Variants in ST6GALNAC5 observed in about 807,000 individuals in gnomAD.
The protein encoded by ST6GALNAC5 is alpha-N-acetylgalactosaminide alpha-2,6-sialyltransferase 5.
ST6GALNAC5 carries 27 observed loss-of-function variants against 33.6 expected under a neutral mutation model. That is an observed-to-expected ratio of 0.80 (90% CI 0.59 to 1.11). The LOEUF is 1.11. Among genes scored for constraint, ST6GALNAC5 ranks in the 50% least tolerant of loss-of-function variants. The probability of loss-of-function intolerance (pLI) is 0.00; values close to 1 mark genes in which losing one functional copy is unlikely to be tolerated. For synonymous variants in ST6GALNAC5, 194 were observed against 171.2 expected, an observed-to-expected ratio of 1.13 and a Z score of -1.04; for missense variants, 428 against 454.0, an observed-to-expected ratio of 0.94 and a Z score of 0.52.
At chr1:76,897,168 A>G (rs1179020625) in intron 2 of ST6GALNAC5, among the ~76,000 whole-genome samples, 6 of 152,128 alleles carry the variant, frequency 3.9e-5, no homozygotes, top group Non-Finnish European at 2.9e-5. Flanking sequence ...TAATTTGCTG[A>G]GCTTGATGGG....
intron 2 of ST6GALNAC5, among the ~76,000 whole-genome samples, chr1:76,973,924 T>C (rs1648873988): frequency 6.6e-6 from 1 of 152,024 alleles, no homozygotes; most frequent in Non-Finnish European, 1.5e-5. Flanking sequence ...TTAGCCTTAT[T>C]ATGAAACAGA....
chr1:76,880,568 G>T (rs538612668), intron 2 of ST6GALNAC5, among the ~76,000 whole-genome samples: 3 of 152,270 alleles, frequency 2.0e-5, no homozygotes, highest in Admixed American at 6.5e-5. Flanking sequence ...TCTCAAAATT[G>T]AAGAACTTGG....
intron 2 of ST6GALNAC5, among the ~76,000 whole-genome samples, chr1:76,967,637 G>A (rs1648554181): frequency 6.6e-6 from 1 of 152,104 alleles, no homozygotes; most frequent in African/African-American, 2.4e-5. Flanking sequence ...TTTTGAATTT[G>A]TTTGCTCTTG....
chr1:76,924,826 A>C (rs1647069622), intron 2 of ST6GALNAC5, among the ~76,000 whole-genome samples: 1 of 152,174 alleles, frequency 6.6e-6, no homozygotes, highest in Non-Finnish European at 1.5e-5. Context: ...ACCCATGAGC[A>C]GCAATTAGAT....
intron 2 of ST6GALNAC5, among the ~76,000 whole-genome samples, chr1:77,018,966 CAG>C (rs1650953033): frequency 6.6e-6 from 1 of 152,204 alleles, no homozygotes; most frequent in South Asian, 2.1e-4. Context: ...AGAAGGGACT[CAG>C]ATGGCTTCAG....
Position 77,005,349 on chromosome 1 carries a change from C to T in ST6GALNAC5, c.262-38855C>T, listed in dbSNP as rs890733478. Among the ~76,000 whole-genome samples the T allele has an allele frequency of 4.6e-5, 7 of 152,290 alleles. No individual in the cohort carries two copies. In the East Asian group the frequency reaches 5.8e-4, roughly 13 times the overall value. On this transcript the variant is annotated intron_variant, in intron 2 of 4. Transcript: ENST00000477717. ...GGCAATGCCTCGCCCTGCTTCGGCTCGCGCACGGTGCGCACACCCACTGAC... is the reference window on the plus strand; with the variant it reads ...GGCAATGCCTCGCCCTGCTTCGGCTTGCGCACGGTGCGCACACCCACTGAC...
chr1:76,978,002 T>C (rs1649082113), intron 2 of ST6GALNAC5, among the ~76,000 whole-genome samples: 1 of 152,208 alleles, frequency 6.6e-6, no homozygotes, highest in Non-Finnish European at 1.5e-5. Flanking sequence ...TTTTATCTTT[T>C]TGATAACAGC....
chr1:76,897,908 T>C (rs1337558986), intron 2 of ST6GALNAC5, among the ~76,000 whole-genome samples: 2 of 152,136 alleles, frequency 1.3e-5, no homozygotes, highest in East Asian at 3.8e-4. Context: ...AAGAAGGTAA[T>C]GTGGAGTGGG....
chr1:77,049,093 C>G (rs1652124977), intron 3 of ST6GALNAC5, among the ~76,000 whole-genome samples: 1 of 152,150 alleles, frequency 6.6e-6, no homozygotes, highest in Non-Finnish European at 1.5e-5. Flanking sequence ...GCCACCCATG[C>G]TGTCAGGTAT....
At chr1:76,976,892 A>G (rs994323218) in intron 2 of ST6GALNAC5, among the ~76,000 whole-genome samples, 1 of 152,160 alleles carries the variant, frequency 6.6e-6, no homozygotes, top group Admixed American at 6.5e-5. Context: ...GTCTAATTCA[A>G]TCCTTCTCAA....
In ST6GALNAC5 at chr1:76,868,607, G is replaced by GCAGCAA. The variant is rs60179124; in HGVS notation, c.131_132insACAGCA (p.Gln48_Gln49dup). 0.028 allele frequency: 44,611 copies of GCAGCAA among 1,611,284 alleles called. 1,668 individuals carry two copies. Among genetic ancestry groups the GCAGCAA allele is most frequent in the African/African-American group, 0.19 (13,957 of 74,708 alleles). On this transcript the variant is annotated inframe_insertion, in exon 2 of 5. Transcript: ENST00000477717. This position sits in a 1 kb window ranked among gnomAD's most constrained non-coding sequence, Gnocchi z 4.3. ...AGCGGCCCCCGCAGCAGCAGCAGCA[G>GCAGCAA]CAGCAGCAACAGCAGCAGCAGGCGT...
chr1:77,002,529 C>T (rs1650215332), intron 2 of ST6GALNAC5, among the ~76,000 whole-genome samples: 1 of 150,376 alleles, frequency 6.6e-6, no homozygotes, highest in African/African-American at 2.4e-5. Flanking sequence ...TTGCCTTCTG[C>T]TAGCTTTTGA....
At position 76,892,004 on chromosome 1, in the gene ST6GALNAC5, T is replaced by C. The variant is rs143046677; in HGVS notation, c.261+23262T>C. ...TATCACGGGCCATGGCAAAGAATAA[T>C]GATCTGCTATTTCCAAAGATTCTGT... On this transcript the variant is annotated intron_variant, in intron 2 of 4. Coordinates refer to ENST00000477717, the MANE Select transcript of ST6GALNAC5 (RefSeq NM_030965.3). Among the ~76,000 whole-genome samples, 410 of 152,348 alleles carry C rather than the reference T, an allele frequency of 2.7e-3. 3 individuals are homozygous for C. Among genetic ancestry groups the C allele is most frequent in the African/African-American group, 9.4e-3 (391 of 41,582 alleles).
chr1:76,911,851 T>C (rs932786736), intron 2 of ST6GALNAC5, among the ~76,000 whole-genome samples: 1 of 152,194 alleles, frequency 6.6e-6, no homozygotes, highest in African/African-American at 2.4e-5. Context: ...GTCTATCAAT[T>C]CTGTTGCTCC....
intron 2 of ST6GALNAC5, among the ~76,000 whole-genome samples, chr1:76,960,775 G>T (rs889959589): frequency 6.6e-6 from 1 of 152,098 alleles, no homozygotes; most frequent in African/African-American, 2.4e-5. Context: ...GCTCTGTTCC[G>T]CCCGGCTCAC....
At chr1:76,991,617 A>G (rs1331597916) in intron 2 of ST6GALNAC5, among the ~76,000 whole-genome samples, 1 of 152,154 alleles carries the variant, frequency 6.6e-6, no homozygotes, top group East Asian at 1.9e-4. Context: ...TCTCATAGAC[A>G]GGTAACTTTT....
chr1:76,979,456 A>G (rs1321083600), intron 2 of ST6GALNAC5, among the ~76,000 whole-genome samples: 1 of 152,186 alleles, frequency 6.6e-6, no homozygotes. Flanking sequence ...CAGAATAGAG[A>G]ACCCAGAAAT....
chr1:76,931,460 A>G (rs1404896878), intron 2 of ST6GALNAC5, among the ~76,000 whole-genome samples: 1 of 152,144 alleles, frequency 6.6e-6, no homozygotes, highest in East Asian at 1.9e-4. Flanking sequence ...ACCTCCAAGC[A>G]TATTTTATGG....
At chr1:76,983,326 G>A (rs1475657346) in intron 2 of ST6GALNAC5, among the ~76,000 whole-genome samples, 1 of 152,008 alleles carries the variant, frequency 6.6e-6, no homozygotes, top group African/African-American at 2.4e-5. Flanking sequence ...GATCTACCAA[G>A]CAAATAGAAA....
Sources: gnomAD v4.1 joint callset for allele counts (sites outside exome capture counted in the v4.1 genomes callset) on GRCh38, gnomAD v4.1.1 for gene constraint, Gnocchi (gnomAD v3.1) non-coding constraint, MANE v1.5 for transcripts, NCBI Gene and HGNC (gene_info 2026-07-23, HGNC 2026-07-21) for gene names.